Variants in CTNNA2 observed in about 807,000 individuals in gnomAD.
CTNNA2 encodes catenin alpha 2.
CTNNA2 carries 42 observed loss-of-function variants against 101.0 expected under a neutral mutation model. That is an observed-to-expected ratio of 0.42 (90% confidence interval 0.32 to 0.54). CTNNA2 has a LOEUF of 0.54. CTNNA2 is among the 20% of genes least tolerant of loss of function. CTNNA2 has a pLI of 0.14. For synonymous variants in CTNNA2, 450 were observed against 456.4 expected (o/e 0.99, Z 0.18); for missense variants, 871 against 1,223.1 (o/e 0.71, Z 4.29).
intron 1 of CTNNA2, among the ~76,000 whole-genome samples, chr2:79,538,271 T>G (rs1673194414): frequency 6.6e-6 from 1 of 152,196 alleles, no homozygotes; most frequent in East Asian, 1.9e-4. Flanking sequence ...GGGTATACTT[T>G]TAACCACAAT....
chr2:80,427,566 G>C (rs755483550), intron 9 of CTNNA2, among the ~76,000 whole-genome samples: 2 of 152,204 alleles, frequency 1.3e-5, no homozygotes, highest in Non-Finnish European at 2.9e-5. Context: ...TGATGAGTTA[G>C]ACAAGGGAAT....
chr2:80,372,708 G>A lies in CTNNA2; in HGVS notation c.1057-20503G>A, dbSNP rs553483681. ...TTTTTTTTTTTTTTTATTGAGCCACGTTACTTCTCAGTCAATTTGCATTGT... is the reference window on the plus strand; with the variant it reads ...TTTTTTTTTTTTTTTATTGAGCCACATTACTTCTCAGTCAATTTGCATTGT... On this transcript the variant is annotated intron_variant, in intron 7 of 18. Transcript: ENST00000402739. 3.4e-5 allele frequency among the ~76,000 whole-genome samples: 5 copies of A among 146,628 alleles called. No individual in the cohort carries two copies. The South Asian group carries it at 6.4e-4, about 19-fold the overall frequency.
intron 7 of CTNNA2, among the ~76,000 whole-genome samples, chr2:80,278,210 A>G (rs941859972): frequency 6.6e-6 from 1 of 152,172 alleles, no homozygotes; most frequent in Non-Finnish European, 1.5e-5. Flanking sequence ...CGCCCCAAAT[A>G]TAGTAAATAT....
intron 2 of CTNNA2, among the ~76,000 whole-genome samples, chr2:79,686,707 A>G (rs1259269711): frequency 1.3e-5 from 2 of 152,166 alleles, no homozygotes; most frequent in Non-Finnish European, 2.9e-5. Context: ...TTATGGTAAC[A>G]TCTAAATATT....
At position 79,969,559 on chromosome 2, in the gene CTNNA2, T is replaced by A. The variant is rs376525742; in HGVS notation, c.1056+59762T>A. On this transcript the variant is annotated intron_variant, in intron 7 of 18. Coordinates refer to ENST00000402739, the MANE Select transcript of CTNNA2 (RefSeq NM_001282597.3). The stretch of plus-strand genomic sequence containing the variant: ...TCCTTATTACAGACATAGGAATGTT[T>A]CCAAATAAATTGAGAGAAGAACAGA... 9.8e-5 allele frequency among the ~76,000 whole-genome samples: 15 copies of A among 152,348 alleles called. No individual in the cohort carries two copies. The East Asian group carries it at 2.3e-3, about 24-fold the overall frequency.
intron 13 of CTNNA2, chr2:80,576,347 G>A (rs1695043291): frequency 1.4e-5 from 2 of 147,160 alleles, no homozygotes; most frequent in Non-Finnish European, 3.0e-5. Flanking sequence ...TTCTGTTGGA[G>A]CAATCTACCC....
At chr2:80,567,827 A>G (rs894328049) in intron 12 of CTNNA2, among the ~76,000 whole-genome samples, 1 of 152,212 alleles carries the variant, frequency 6.6e-6, no homozygotes, top group Non-Finnish European at 1.5e-5. Flanking sequence ...ATTAGCTGCA[A>G]TTCCATCCCT....
chr2:79,783,810 G>A (rs1329133213), intron 3 of CTNNA2, among the ~76,000 whole-genome samples: 4 of 152,094 alleles, frequency 2.6e-5, no homozygotes, highest in African/African-American at 9.7e-5. Flanking sequence ...TGTAAAGAGG[G>A]TTTCTTAACT....
intron 2 of CTNNA2, among the ~76,000 whole-genome samples, chr2:79,230,746 A>C (rs1674481170): frequency 6.6e-6 from 1 of 152,204 alleles, no homozygotes. Flanking sequence ...AGCAGCCAAG[A>C]GGGAGGCTGT....
At chr2:79,771,517 T>A (rs1673577256) in intron 3 of CTNNA2, among the ~76,000 whole-genome samples, 1 of 152,222 alleles carries the variant, frequency 6.6e-6, no homozygotes, top group Admixed American at 6.5e-5. Flanking sequence ...CTTGTTTTCC[T>A]GCAACTGGAT....
chr2:80,577,784 C>T (rs1695186100), intron 13 of CTNNA2, among the ~76,000 whole-genome samples: 1 of 144,598 alleles, frequency 6.9e-6, no homozygotes, highest in Admixed American at 6.9e-5. Context: ...TTGGGAAATC[C>T]TACCTCATGC....
chr2:80,053,738 A>G (rs1249195484), intron 7 of CTNNA2, among the ~76,000 whole-genome samples: 3 of 152,336 alleles, frequency 2.0e-5, no homozygotes, highest in South Asian at 4.1e-4. Context: ...CTGAACACAC[A>G]TTGAATCATA....
chr2:80,088,376 C>T (rs1054740844), intron 7 of CTNNA2, among the ~76,000 whole-genome samples: 4 of 151,948 alleles, frequency 2.6e-5, no homozygotes, highest in African/African-American at 7.2e-5. Context: ...GCCCAGCCTC[C>T]GAACCTCACT....
chr2:80,230,101 G>A (rs1287210940), intron 7 of CTNNA2, among the ~76,000 whole-genome samples: 1 of 152,148 alleles, frequency 6.6e-6, no homozygotes, highest in Non-Finnish European at 1.5e-5. Context: ...GCCTAGGCAA[G>A]TAGTAGGCTG....
At chr2:79,701,592 C>A (rs181912283) in intron 2 of CTNNA2, among the ~76,000 whole-genome samples, 2 of 152,312 alleles carry the variant, frequency 1.3e-5, no homozygotes, top group East Asian at 3.9e-4. Flanking sequence ...TCCTATGATA[C>A]TAAAAACCTA....
intron 7 of CTNNA2, among the ~76,000 whole-genome samples, chr2:80,252,182 A>G (rs1439994857): frequency 1.6e-4 from 25 of 152,162 alleles, no homozygotes; most frequent in Admixed American, 1.2e-3. Context: ...TTGAAGGAAA[A>G]GGATGAAGTC....
At chr2:79,340,600 A>G (rs549260571) in intron 3 of CTNNA2, among the ~76,000 whole-genome samples, 120 of 152,202 alleles carry the variant, frequency 7.9e-4, no homozygotes, top group Middle Eastern at 3.4e-3. Flanking sequence ...TTGGGAGGCC[A>G]AGGCGGGCGG....
At chr2:79,220,930 T>C (rs1674336679) in intron 2 of CTNNA2, among the ~76,000 whole-genome samples, 1 of 152,198 alleles carries the variant, frequency 6.6e-6, no homozygotes, top group African/African-American at 2.4e-5. Flanking sequence ...TAATAAATAC[T>C]GAGAAATAAA....
chr2:79,723,247 G>C (rs987107815), intron 2 of CTNNA2, among the ~76,000 whole-genome samples: 5 of 152,022 alleles, frequency 3.3e-5, no homozygotes, highest in Admixed American at 2.6e-4. Flanking sequence ...AAAATTAAAA[G>C]GTTTAGACCA....
Sources: allele counts gnomAD v4.1 joint callset (sites outside exome capture counted in the v4.1 genomes callset), GRCh38; gene constraint gnomAD v4.1.1; transcripts MANE v1.5; gene names NCBI Gene and HGNC (gene_info 2026-07-23, HGNC 2026-07-21).